ST6GALNAC3: variants seen among roughly 807,000 people sequenced by gnomAD.
ST6GALNAC3 encodes the protein alpha-N-acetylgalactosaminide alpha-2,6-sialyltransferase 3.
In ST6GALNAC3, 25 loss-of-function variants were observed where a neutral mutation model predicts 32.7. The ratio of observed to expected loss-of-function variants is 0.76; its 90% CI spans 0.56 to 1.07. The LOEUF is 1.07. ST6GALNAC3 is among the 50% of genes least tolerant of loss of function. The pLI is 0.00. For missense variants in ST6GALNAC3, 355 were observed against 382.4 expected (o/e 0.93, Z 0.60); for synonymous variants, 129 against 133.1 (o/e 0.97, Z 0.21).
chr1:76,271,094 T>C (rs1391967052), intron 1 of ST6GALNAC3, among the ~76,000 whole-genome samples: 1 of 152,174 alleles, frequency 6.6e-6, no homozygotes, highest in African/African-American at 2.4e-5. Context: ...TTGATCCTCA[T>C]ATTGATTCCT....
At chr1:76,075,942 T>A (rs1646810318) in intron 1 of ST6GALNAC3, among the ~76,000 whole-genome samples, 1 of 152,208 alleles carries the variant, frequency 6.6e-6, no homozygotes, top group Non-Finnish European at 1.5e-5. Context: ...ATCTACTGTG[T>A]TCTGGTTACC....
At chr1:76,521,915 A>G (rs189060082) in intron 3 of ST6GALNAC3, among the ~76,000 whole-genome samples, 1 of 152,010 alleles carries the variant, frequency 6.6e-6, no homozygotes, top group Admixed American at 6.6e-5. Context: ...CTAAAATACA[A>G]AAAATTAGCT....
In ST6GALNAC3 at chr1:76,626,732, C is replaced by T. The variant is rs541735033; in HGVS notation, c.624-720C>T. On this transcript the variant is annotated intron_variant, in intron 3 of 4. Coordinates refer to ENST00000328299, the MANE Select transcript of ST6GALNAC3 (RefSeq NM_152996.4). ...ATCAAAGAAGGCTTTCCTAGCCAAA[C>T]TTTATAATATAGCTACCTCCAAATC... 1.8e-4 allele frequency among the ~76,000 whole-genome samples: 28 copies of T among 151,922 alleles called. No individual in the cohort carries two copies. The South Asian group carries it at 5.2e-3, about 28-fold the overall frequency.
At chr1:76,390,680 G>A (rs1652464829) in intron 2 of ST6GALNAC3, among the ~76,000 whole-genome samples, 1 of 152,118 alleles carries the variant, frequency 6.6e-6, no homozygotes, top group African/African-American at 2.4e-5. Context: ...CCAAACCATT[G>A]TGTACCTCAC....
intron 3 of ST6GALNAC3, among the ~76,000 whole-genome samples, chr1:76,531,400 G>A (rs1437444051): frequency 6.6e-6 from 1 of 152,170 alleles, no homozygotes; most frequent in Non-Finnish European, 1.5e-5. Flanking sequence ...ACTACACTGG[G>A]AATGTATCAA....
At chr1:76,534,387 G>T (rs1333556189) in intron 3 of ST6GALNAC3, among the ~76,000 whole-genome samples, 6 of 152,014 alleles carry the variant, frequency 3.9e-5, no homozygotes, top group African/African-American at 1.4e-4. Flanking sequence ...AATACTCCAT[G>T]GTAGGCAACC....
intron 3 of ST6GALNAC3, among the ~76,000 whole-genome samples, chr1:76,523,466 G>C (rs1332590765): frequency 6.6e-6 from 1 of 152,136 alleles, no homozygotes; most frequent in Non-Finnish European, 1.5e-5. Flanking sequence ...TTGTGATCTT[G>C]CATTAGAAAA....
At chr1:76,089,845 T>C (rs1014190763) in intron 1 of ST6GALNAC3, among the ~76,000 whole-genome samples, 2 of 152,172 alleles carry the variant, frequency 1.3e-5, no homozygotes, top group Non-Finnish European at 2.9e-5. Flanking sequence ...AGCTATTATT[T>C]ATTGAGCACC....
rs1013554408 is a variant in ST6GALNAC3, at chr1:76,108,022, G to A, written c.18+33138G>A. Among the ~76,000 whole-genome samples, 10 of 152,170 alleles carry A rather than the reference G, an allele frequency of 6.6e-5. No homozygotes were observed. The East Asian group carries it at 1.7e-3, about 26-fold the overall frequency. On this transcript the variant is annotated intron_variant, in intron 1 of 4. Transcript: ENST00000328299. The stretch of plus-strand genomic sequence containing the variant: ...TTAGCTATATATTTGGGCTGTTTGA[G>A]TTGAAAATGATGAAGAGTAAAGTAA...
chr1:76,420,100 A>G (rs1392992109), intron 3 of ST6GALNAC3, among the ~76,000 whole-genome samples: 2 of 152,078 alleles, frequency 1.3e-5, no homozygotes, highest in Non-Finnish European at 2.9e-5. Context: ...TAGGTCCTCT[A>G]GATCAGTACA....
intron 2 of ST6GALNAC3, among the ~76,000 whole-genome samples, chr1:76,329,285 A>G (rs1476275692): frequency 6.6e-6 from 1 of 152,178 alleles, no homozygotes; most frequent in Non-Finnish European, 1.5e-5. Flanking sequence ...TGCAGGCTAC[A>G]TAGTCATGCC....
intron 1 of ST6GALNAC3, among the ~76,000 whole-genome samples, chr1:76,308,168 G>A (rs576944211): frequency 6.6e-6 from 1 of 152,170 alleles, no homozygotes; most frequent in East Asian, 1.9e-4. Context: ...CAGCTGCTTG[G>A]AATATTTAAG....
At chr1:76,392,368 G>T (rs1378679364) in intron 2 of ST6GALNAC3, among the ~76,000 whole-genome samples, 1 of 152,168 alleles carries the variant, frequency 6.6e-6, no homozygotes, top group African/African-American at 2.4e-5. Context: ...TGCTAGCAAA[G>T]TATGAATAGA....
At chr1:76,238,236 A>G (rs570444038) in intron 1 of ST6GALNAC3, among the ~76,000 whole-genome samples, 151 of 152,326 alleles carry the variant, frequency 9.9e-4, no homozygotes, top group Non-Finnish European at 1.6e-3. Context: ...GATTCTCTAC[A>G]TATCCTGCCG....
rs529986970 is a variant in ST6GALNAC3, at chr1:76,442,116, C to A, written c.623+29699C>A. ...AGACCTTGAATTGTGTGTCCTGAGT[C>A]AGGTAAATTTATCTCAGTTGCAGTT... On this transcript the variant is annotated intron_variant, in intron 3 of 4. Coordinates refer to ENST00000328299, the MANE Select transcript of ST6GALNAC3 (RefSeq NM_152996.4). Among the ~76,000 whole-genome samples the A allele has an allele frequency of 5.6e-4, 85 of 152,302 alleles. 1 individual carries two copies. In the South Asian group the frequency reaches 0.017, roughly 30 times the overall value.
At chr1:76,408,377 T>C (rs1442583127) in intron 2 of ST6GALNAC3, among the ~76,000 whole-genome samples, 1 of 152,054 alleles carries the variant, frequency 6.6e-6, no homozygotes, top group East Asian at 1.9e-4. Context: ...GCCAAGTGAA[T>C]AGTCAAACAA....
At chr1:76,452,816 C>G (rs1657505371) in intron 3 of ST6GALNAC3, among the ~76,000 whole-genome samples, 3 of 152,114 alleles carry the variant, frequency 2.0e-5, no homozygotes, top group South Asian at 4.1e-4. Flanking sequence ...GGAGGATTCT[C>G]TCTTTCTCTA....
At chr1:76,575,977 T>C (rs1434016461) in intron 3 of ST6GALNAC3, among the ~76,000 whole-genome samples, 1 of 151,946 alleles carries the variant, frequency 6.6e-6, no homozygotes, top group Non-Finnish European at 1.5e-5. Flanking sequence ...TTGGAACCAA[T>C]AGAAAGCAAT....
chr1:76,343,161 A>G (rs1648203497), intron 2 of ST6GALNAC3, among the ~76,000 whole-genome samples: 1 of 152,132 alleles, frequency 6.6e-6, no homozygotes, highest in Admixed American at 6.6e-5. Context: ...TCCAATGTCT[A>G]GCAGAGTATT....
Sources: gnomAD v4.1 joint callset for allele counts (sites outside exome capture counted in the v4.1 genomes callset) on GRCh38, gnomAD v4.1.1 for gene constraint, MANE v1.5 for transcripts, NCBI Gene and HGNC (gene_info 2026-07-23, HGNC 2026-07-21) for gene names.